The following MDGA2 variants were observed in gnomAD, a reference collection of about 807,000 sequenced individuals.
MDGA2 encodes the protein MAM domain-containing glycosylphosphatidylinositol anchor protein 2.
In MDGA2, 40 loss-of-function variants were observed where a neutral mutation model predicts 117.8. The ratio of observed to expected loss-of-function variants is 0.34; its 90% CI spans 0.26 to 0.44. The LOEUF is 0.44. MDGA2 is among the 20% of genes least tolerant of loss of function. The pLI is 1.00. For synonymous variants in MDGA2, 452 were observed against 439.0 expected (o/e 1.03, Z -0.37); for missense variants, 1,123 against 1,250.6 (o/e 0.90, Z 1.54).
chr14:47,424,065 G>A (rs1270667487), intron 1 of MDGA2, among the ~76,000 whole-genome samples: 1 of 151,938 alleles, frequency 6.6e-6, no homozygotes, highest in Non-Finnish European at 1.5e-5. Context: ...CACCTGCCTC[G>A]GCCTCCCAAA....
At chr14:47,324,070 C>A (rs1398594976) in intron 1 of MDGA2, among the ~76,000 whole-genome samples, 2 of 151,924 alleles carry the variant, frequency 1.3e-5, no homozygotes, top group Admixed American at 6.6e-5. Flanking sequence ...ACAGTGAAAC[C>A]CTGTCTCCAC....
intron 1 of MDGA2, among the ~76,000 whole-genome samples, chr14:47,475,801 G>A (rs752360027): frequency 6.6e-6 from 1 of 152,064 alleles, no homozygotes; most frequent in Non-Finnish European, 1.5e-5. Context: ...AGTAGTAGAG[G>A]GAACAAAACA....
In MDGA2 at chr14:47,064,229, A is replaced by T. The variant is rs193146728; in HGVS notation, c.1196-2651T>A. Among the ~76,000 whole-genome samples, 669 of 152,114 alleles carry T rather than the reference A, an allele frequency of 4.4e-3. 3 individuals carry two copies. Among genetic ancestry groups the T allele is most frequent in the African/African-American group, 0.015 (632 of 41,550 alleles). On this transcript the variant is annotated intron_variant, in intron 6 of 16. Coordinates refer to ENST00000399232, the MANE Select transcript of MDGA2 (RefSeq NM_001113498.3). ...ATAGCGAAAAACATTGGTGAATCTT[A>T]GTTATCAGATAATTCTATGATTTGG... is the stretch of plus-strand genomic sequence containing the variant.
intron 1 of MDGA2, among the ~76,000 whole-genome samples, chr14:47,651,213 G>GGTGTGTGTGTGT (rs56853118): frequency 5.3e-4 from 77 of 146,516 alleles, no homozygotes; most frequent in East Asian, 1.2e-3. Context: ...GTGTGCATGT[G>GGTGTGTGTGTGT]GTGTGTGTGT....
chr14:47,219,967 A>T (rs1167846315), intron 2 of MDGA2, among the ~76,000 whole-genome samples: 1 of 152,156 alleles, frequency 6.6e-6, no homozygotes, highest in African/African-American at 2.4e-5. Context: ...ATTCTTATTT[A>T]TACTTAATTT....
intron 1 of MDGA2, among the ~76,000 whole-genome samples, chr14:47,501,822 A>C (rs1484749882): frequency 6.6e-6 from 1 of 151,986 alleles, no homozygotes; most frequent in Non-Finnish European, 1.5e-5. Flanking sequence ...CAGATTTGTA[A>C]ACTCCAGTAC....
intron 1 of MDGA2, among the ~76,000 whole-genome samples, chr14:47,546,148 T>C (rs942520677): frequency 3.9e-5 from 6 of 152,016 alleles, no homozygotes; most frequent in Admixed American, 2.0e-4. Context: ...AAGTTACAGA[T>C]GGGGAGAAAA....
Position 46,874,022 on chromosome 14 carries a change from C to T in MDGA2, c.2593+23G>A, listed in dbSNP as rs781530446. ...TTTAAAAGTCTCTGATTGCTATGAA[C>T]ACAAAAGGTCATACCCCCATACCTT... On this transcript the variant is annotated intron_variant, in intron 13 of 16. Transcript: ENST00000399232. 3.3e-6 allele frequency: 5 copies of T among 1,512,472 alleles called. No individual in the cohort carries two copies. The Admixed American group carries it at 7.6e-5, about 23-fold the overall frequency. The allele number at this position is 1,512,472 out of a possible 1,614,324, so 93.7% of individuals were successfully genotyped here. A position where few individuals can be genotyped will look rare whatever the true frequency, so the allele number is the denominator to read the frequency against.
Position 47,609,443 on chromosome 14 carries a change from A to AT in MDGA2, c.280+65073dup, listed in dbSNP as rs935611569. Among the ~76,000 whole-genome samples, 6 of 90,394 alleles carry AT rather than the reference A, an allele frequency of 6.6e-5. 1 individual carries two copies. The highest frequency in any genetic ancestry group is 4.7e-5 in the African/African-American group (1 of 21,270). 59.3% of individuals were successfully genotyped at this position (90,394 alleles called of 152,430 possible). On this transcript the variant is annotated intron_variant, in intron 1 of 16. Transcript: ENST00000399232. ...AGTATTCCATCATATATATATATAT[A>AT]TATATATATATATATATATATAAGT...
intron 8 of MDGA2, among the ~76,000 whole-genome samples, chr14:46,998,035 C>T (rs985528276): frequency 1.3e-5 from 2 of 151,522 alleles, no homozygotes; most frequent in African/African-American, 4.9e-5. Flanking sequence ...AAATAAGAAA[C>T]AAGAGTCAGA....
At chr14:47,242,675 T>C (rs904676421) in intron 2 of MDGA2, among the ~76,000 whole-genome samples, 1 of 151,710 alleles carries the variant, frequency 6.6e-6, no homozygotes, top group African/African-American at 2.4e-5. Flanking sequence ...TTGGCTGCCT[T>C]CCCGCAGGGC....
chr14:47,166,408 G>C (rs1219251608), intron 3 of MDGA2, among the ~76,000 whole-genome samples: 1 of 151,848 alleles, frequency 6.6e-6, no homozygotes, highest in Non-Finnish European at 1.5e-5. Context: ...AACATATATA[G>C]AATTTATTTC....
At chr14:47,050,285 C>T (rs191517076) in intron 7 of MDGA2, among the ~76,000 whole-genome samples, 15 of 152,134 alleles carry the variant, frequency 9.9e-5, no homozygotes, top group African/African-American at 3.6e-4. Context: ...AATATAATCA[C>T]AAAATCTGCT....
chr14:46,851,054 G>A lies in MDGA2; in HGVS notation c.2883+3970C>T, dbSNP rs562417558. 2.0e-5 allele frequency among the ~76,000 whole-genome samples: 3 copies of A among 151,932 alleles called. No individual in the cohort carries two copies. The South Asian group carries it at 6.2e-4, about 31-fold the overall frequency. On this transcript the variant is annotated intron_variant, in intron 15 of 16. Transcript: ENST00000399232. Reference sequence around the variant, plus strand: ...TGGAACATAAGGCAGCATGATGTAAGGAGAGCAGTATAGTCTCTTTTCCAG... The same window carrying A: ...TGGAACATAAGGCAGCATGATGTAAAGAGAGCAGTATAGTCTCTTTTCCAG...
Position 46,944,788 on chromosome 14 carries a change from G to T in MDGA2, c.2089+12586C>A, listed in dbSNP as rs548011242. Among the ~76,000 whole-genome samples, 46 of 151,720 alleles carry T rather than the reference G, an allele frequency of 3.0e-4. 1 individual carries two copies. The South Asian group carries it at 8.9e-3, about 29-fold the overall frequency. ...TTAGTTGTTCAATTTGCATCTAGTT[G>T]TTTTTTAGGGTTTTTTGTATGCTAA... is the stretch of plus-strand genomic sequence containing the variant. On this transcript the variant is annotated intron_variant, in intron 9 of 16. Transcript: ENST00000399232.
chr14:47,193,687 T>C (rs948628171), intron 3 of MDGA2, among the ~76,000 whole-genome samples: 1 of 152,202 alleles, frequency 6.6e-6, no homozygotes, highest in Non-Finnish European at 1.5e-5. Context: ...CAGTGAATTA[T>C]GGCATTATTT....
At chr14:46,914,959 T>A (rs1311777304) in intron 10 of MDGA2, among the ~76,000 whole-genome samples, 1 of 152,148 alleles carries the variant, frequency 6.6e-6, no homozygotes, top group Non-Finnish European at 1.5e-5. Context: ...AAATTTGGCC[T>A]TCTAGTAAAA....
chr14:47,272,980 A>C (rs1347980857), intron 2 of MDGA2, among the ~76,000 whole-genome samples: 3 of 152,082 alleles, frequency 2.0e-5, no homozygotes, highest in South Asian at 4.1e-4. Context: ...TAAGGCAGTG[A>C]TTTTTTACTC....
intron 1 of MDGA2, among the ~76,000 whole-genome samples, chr14:47,418,163 A>G (rs1566446549): frequency 2.0e-5 from 3 of 151,460 alleles, no homozygotes; most frequent in Non-Finnish European, 1.5e-5. Flanking sequence ...TGCAACCTCT[A>G]CCTCCCAGGT....
Sources: allele counts gnomAD v4.1 joint callset (sites outside exome capture counted in the v4.1 genomes callset), GRCh38; gene constraint gnomAD v4.1.1; transcripts MANE v1.5; gene names NCBI Gene and HGNC (gene_info 2026-07-23, HGNC 2026-07-21).